The following SDK1 variants were observed in gnomAD, a reference collection of about 807,000 sequenced individuals.
The protein encoded by SDK1 is protein sidekick-1.
A neutral mutation model predicts 245.5 loss-of-function variants in SDK1; 157 were observed. The ratio of observed to expected loss-of-function variants is 0.64; its 90% CI spans 0.56 to 0.73. The LOEUF is 0.73. SDK1 is among the 30% of genes least tolerant of loss of function. The pLI, the probability that SDK1 is intolerant of heterozygous loss-of-function variation, is 0.00. For missense variants in SDK1, 3,583 were observed against 3,002.3 expected, an observed-to-expected ratio of 1.19 and a Z score of -4.52; for synonymous variants, 1,647 against 1,278.5, an observed-to-expected ratio of 1.29 and a Z score of -6.15.
intron 11 of SDK1, among the ~76,000 whole-genome samples, chr7:3,970,492 C>T (rs982523701): frequency 3.9e-5 from 6 of 152,140 alleles, no homozygotes; most frequent in Non-Finnish European, 8.8e-5. Flanking sequence ...TACATTTAAC[C>T]CATTTATGCC....
At chr7:3,380,397 C>T (rs1393168107) in intron 1 of SDK1, among the ~76,000 whole-genome samples, 3 of 152,150 alleles carry the variant, frequency 2.0e-5, no homozygotes, top group African/African-American at 4.8e-5. Context: ...TCTTTGTCTC[C>T]TACACAGCGT....
chr7:3,458,529 A>AT lies in SDK1; in HGVS notation c.298+156656dup, dbSNP rs796410094. 5.5e-3 allele frequency among the ~76,000 whole-genome samples: 810 copies of AT among 147,424 alleles called. 3 individuals carry two copies. The highest frequency in any genetic ancestry group is 8.3e-3 in the Non-Finnish European group (552 of 66,298). ...CCATCTACCCCCTTTTTTCTTCAGAATTTTTTTTTTTGTACTTTTTTGTAC... is the reference window on the plus strand; with the variant it reads ...CCATCTACCCCCTTTTTTCTTCAGAATTTTTTTTTTTTGTACTTTTTTGTAC... On this transcript the variant is annotated intron_variant, in intron 1 of 44. Coordinates refer to ENST00000404826, the MANE Select transcript of SDK1 (RefSeq NM_152744.4).
At chr7:3,453,436 G>C (rs577989979) in intron 1 of SDK1, among the ~76,000 whole-genome samples, 9 of 152,272 alleles carry the variant, frequency 5.9e-5, no homozygotes, top group Admixed American at 2.0e-4. Context: ...ATTAAATTCA[G>C]GATCTTGAGA....
At chr7:4,180,618 G>A (rs748942248) in intron 35 of SDK1, among the ~76,000 whole-genome samples, 29 of 152,346 alleles carry the variant, frequency 1.9e-4, no homozygotes, top group Middle Eastern at 3.4e-3. Flanking sequence ...GTAAAGGGAC[G>A]GGGTAATTTA....
chr7:4,166,411 G>A (rs568927619), intron 32 of SDK1, among the ~76,000 whole-genome samples: 8 of 152,360 alleles, frequency 5.3e-5, no homozygotes, highest in African/African-American at 1.4e-4. Flanking sequence ...CAGAAGGAAC[G>A]AAACTAACTC....
chr7:3,689,268 C>G (rs538428198), intron 4 of SDK1, among the ~76,000 whole-genome samples: 1 of 152,190 alleles, frequency 6.6e-6, no homozygotes, highest in African/African-American at 2.4e-5. Context: ...TGATGATTCA[C>G]CTCTCCCACA....
chr7:4,091,538 T>C (rs1486305700), intron 22 of SDK1, among the ~76,000 whole-genome samples: 1 of 151,892 alleles, frequency 6.6e-6, no homozygotes, highest in Non-Finnish European at 1.5e-5. Flanking sequence ...AGATGGGGTT[T>C]TACCATGTTG....
At chr7:3,759,019 C>T (rs893819174) in intron 4 of SDK1, among the ~76,000 whole-genome samples, 2 of 152,202 alleles carry the variant, frequency 1.3e-5, no homozygotes, top group Admixed American at 1.3e-4. Context: ...AGAAACCTGA[C>T]TCGCATTATC....
intron 1 of SDK1, among the ~76,000 whole-genome samples, chr7:3,610,565 A>T (rs994534059): frequency 3.3e-5 from 5 of 152,248 alleles, no homozygotes; most frequent in African/African-American, 1.2e-4. Context: ...ATTAATTTAT[A>T]TACTGAAATA....
At chr7:3,581,741 C>CA (rs1168012159) in intron 1 of SDK1, among the ~76,000 whole-genome samples, 1 of 152,160 alleles carries the variant, frequency 6.6e-6, no homozygotes, top group Non-Finnish European at 1.5e-5. Context: ...GACATGGAGT[C>CA]AACCTAAATG....
intron 7 of SDK1, among the ~76,000 whole-genome samples, chr7:3,955,201 C>G (rs1781162697): frequency 6.6e-6 from 1 of 152,194 alleles, no homozygotes; most frequent in Non-Finnish European, 1.5e-5. Context: ...CCAGCCCCTT[C>G]AAGTTGTTCA....
At chr7:4,091,063 T>C (rs984362337) in intron 22 of SDK1, among the ~76,000 whole-genome samples, 6 of 152,178 alleles carry the variant, frequency 3.9e-5, no homozygotes, top group African/African-American at 1.4e-4. Context: ...TCCTGACCCC[T>C]GACTGGACTC....
chr7:4,029,228 T>TTTTTTTTTTTG (rs746967075), intron 17 of SDK1, among the ~76,000 whole-genome samples: 44 of 112,070 alleles, frequency 3.9e-4, no homozygotes, highest in African/African-American at 1.9e-3. Flanking sequence ...TTTTTTTTTT[T>TTTTTTTTTTTG]TGTGAAGAAG....
chr7:3,879,733 C>T (rs932526530), intron 5 of SDK1, among the ~76,000 whole-genome samples: 8 of 152,244 alleles, frequency 5.3e-5, no homozygotes, highest in Admixed American at 2.0e-4. Context: ...TACACAAACA[C>T]TGCCATGCCT....
chr7:3,810,252 G>C (rs1211967819), intron 4 of SDK1, among the ~76,000 whole-genome samples: 1 of 152,052 alleles, frequency 6.6e-6, no homozygotes, highest in Admixed American at 6.5e-5. Context: ...AATTTGACTG[G>C]ATTTTACACT....
chr7:4,074,485 G>T lies in SDK1; in HGVS notation c.3011-2513G>T, dbSNP rs144791699. Among the ~76,000 whole-genome samples, 1,209 of 152,230 alleles carry T rather than the reference G, an allele frequency of 7.9e-3. 22 individuals are homozygous for T. The highest frequency in any genetic ancestry group is 0.027 in the African/African-American group (1,114 of 41,528). Reference sequence around the variant, plus strand: ...CTCCAATTTCAAAGGTGTGTTGTGAGGGTTACATGAATGAATGGGGCAGGC... The same window carrying T: ...CTCCAATTTCAAAGGTGTGTTGTGATGGTTACATGAATGAATGGGGCAGGC... On this transcript the variant is annotated intron_variant, in intron 20 of 44. Coordinates refer to ENST00000404826, the MANE Select transcript of SDK1 (RefSeq NM_152744.4).
chr7:3,313,880 A>G (rs1213213170), intron 1 of SDK1, among the ~76,000 whole-genome samples: 2 of 152,252 alleles, frequency 1.3e-5, no homozygotes, highest in Non-Finnish European at 2.9e-5. Context: ...CACAATATAT[A>G]TGTGTCAAAA....
chr7:3,633,512 A>T (rs1026443365), intron 2 of SDK1, among the ~76,000 whole-genome samples: 1 of 152,160 alleles, frequency 6.6e-6, no homozygotes, highest in Admixed American at 6.5e-5. Context: ...AGAACTTCTT[A>T]TAACAGGTAA....
intron 40 of SDK1, among the ~76,000 whole-genome samples, chr7:4,225,048 C>T (rs923621048): frequency 5.6e-5 from 8 of 142,280 alleles, no homozygotes; most frequent in African/African-American, 2.0e-4. Flanking sequence ...ACAGAAGGGC[C>T]TGGCTACGAA....
Sources: gnomAD v4.1 joint callset for allele counts (sites outside exome capture counted in the v4.1 genomes callset) on GRCh38, gnomAD v4.1.1 for gene constraint, MANE v1.5 for transcripts, NCBI Gene and HGNC (gene_info 2026-07-23, HGNC 2026-07-21) for gene names.